MBTD1: variants seen among roughly 807,000 people sequenced by gnomAD.
The protein encoded by MBTD1 is MBT domain-containing protein 1.
In MBTD1, 24 loss-of-function variants were observed where a neutral mutation model predicts 87.8. The observed-to-expected ratio is 0.27, with a 90% CI of 0.20 to 0.38. The LOEUF (loss-of-function observed/expected upper bound fraction) is 0.38. Ranked by LOEUF, MBTD1 falls within the 10% of genes least tolerant of loss-of-function variation. The pLI, the probability that MBTD1 is intolerant of heterozygous loss-of-function variation, is 1.00. For synonymous variants in MBTD1, 237 were observed against 248.6 expected, an observed-to-expected ratio of 0.95 and a Z score of 0.44; for missense variants, 436 against 760.2, an observed-to-expected ratio of 0.57 and a Z score of 5.02.
At chr17:51,237,650 A>C (rs2053927141) in intron 2 of MBTD1, among the ~76,000 whole-genome samples, 1 of 152,232 alleles carries the variant, frequency 6.6e-6, no homozygotes, top group East Asian at 1.9e-4. Context: ...AGAATGACTA[A>C]AATTTATAAA....
chr17:51,195,106 A>G, intron 13 of MBTD1, 108 bp downstream of exon 13: 5 of 913,780 alleles, frequency 5.5e-6, no homozygotes, highest in Non-Finnish European at 8.3e-6. Flanking sequence ...ATCCACACAC[A>G]TTATATACGT....
intron 5 of MBTD1, among the ~76,000 whole-genome samples, 189 bp downstream of exon 5, chr17:51,218,741 T>A (rs375683131): frequency 6.6e-6 from 1 of 152,140 alleles, no homozygotes; most frequent in Non-Finnish European, 1.5e-5. Flanking sequence ...CTTGAACTTA[T>A]GCATGCAACT....
rs755188182 is a variant in MBTD1, at chr17:51,246,024, T to C, written c.-49+13119A>G. Among the ~76,000 whole-genome samples the C allele has an allele frequency of 3.3e-5, 5 of 152,234 alleles. No individual in the cohort carries two copies. In the South Asian group the frequency reaches 6.2e-4, roughly 19 times the overall value. Reference sequence around the variant, plus strand: ...CTTTGTGTCTTTTGGGAATGTTTTATATAGCCTGCTTCACATAGGTTTTTA... The same window carrying C: ...CTTTGTGTCTTTTGGGAATGTTTTACATAGCCTGCTTCACATAGGTTTTTA... On this transcript the variant is annotated intron_variant, in intron 2 of 16. Transcript: ENST00000586178.
chr17:51,183,746 A>C (rs1375566030), intron 16 of MBTD1: 1 of 152,218 alleles, frequency 6.6e-6, no homozygotes, highest in Non-Finnish European at 1.5e-5. Context: ...GTTATCCTTC[A>C]AATCTAGCCA....
intron 3 of MBTD1, among the ~76,000 whole-genome samples, chr17:51,224,005 AT>A (rs1259998187): frequency 1.8e-4 from 27 of 152,362 alleles, no homozygotes; most frequent in African/African-American, 6.0e-4. Context: ...CAAGTTCATT[AT>A]CATTTTCAAG....
rs2050210676 is a variant in MBTD1, at chr17:51,179,492, A to ATATATATATATATT, written c.*1083_*1084insAATATATATATATA. ...TACAATTAAAGACAATTTTATATAT[A>ATATATATATATATT]TATATATATATATATATATATATAT... On this transcript the variant is annotated 3_prime_UTR_variant, in exon 17 of 17. Transcript: ENST00000586178. The ATATATATATATATT allele has an allele frequency of 1.2e-3, 38 of 30,964 alleles. No homozygotes were observed. The highest frequency in any genetic ancestry group is 0.012 in the Middle Eastern group (1 of 86). 1.9% of individuals were successfully genotyped at this position (30,964 alleles called of 1,614,324 possible).
At chr17:51,210,005 A>G (rs117155991) in intron 6 of MBTD1, among the ~76,000 whole-genome samples, 172 of 151,998 alleles carry the variant, frequency 1.1e-3, no homozygotes, top group Non-Finnish European at 2.2e-3. Context: ...CATAAAGTCC[A>G]CTCACCTTTT....
At position 51,201,518 on chromosome 17, in the gene MBTD1, T is replaced by C. The variant is rs540601591; in HGVS notation, c.1224+74A>G. Reference sequence around the variant, plus strand: ...ACATTTTATGTCAAAACGAATATGCTTGGGGACTCCTTCTATTAGCTTATA... The same window carrying C: ...ACATTTTATGTCAAAACGAATATGCCTGGGGACTCCTTCTATTAGCTTATA... On this transcript the variant is annotated intron_variant, in intron 12 of 16. Coordinates refer to ENST00000586178, the MANE Select transcript of MBTD1 (RefSeq NM_017643.3). The C allele has an allele frequency of 2.8e-4, 244 of 863,980 alleles. 3 individuals carry two copies. Among genetic ancestry groups the C allele is most frequent in the Middle Eastern group, 5.1e-4 (2 of 3,922 alleles). 53.5% of individuals were successfully genotyped at this position (863,980 alleles called of 1,614,324 possible).
intron 2 of MBTD1, among the ~76,000 whole-genome samples, chr17:51,236,537 G>A (rs113041600): frequency 6.0e-4 from 91 of 152,260 alleles, no homozygotes; most frequent in African/African-American, 2.0e-3. Context: ...GAGCTGCTGC[G>A]TCTGGCCTAT....
intron 2 of MBTD1, among the ~76,000 whole-genome samples, chr17:51,234,596 A>C (rs557358355): frequency 1.3e-5 from 2 of 152,180 alleles, no homozygotes; most frequent in Non-Finnish European, 2.9e-5. Context: ...TACTGAAAAA[A>C]CTAAATTTGT....
Position 51,182,794 on chromosome 17 carries a change from G to GA in MBTD1, c.1769-2101dup, listed in dbSNP as rs533693402. The stretch of plus-strand genomic sequence containing the variant: ...GTAAATTGGAAACTGCTCATACAGA[G>GA]AAAAAAATCAACTGATGAGAATGAG... On this transcript the variant is annotated intron_variant, in intron 16 of 16. Transcript: ENST00000586178. Among the ~76,000 whole-genome samples, 23 of 152,282 alleles carry GA rather than the reference G, an allele frequency of 1.5e-4. 2 individuals carry two copies. The highest frequency in any genetic ancestry group is 5.1e-4 in the African/African-American group (21 of 41,562).
chr17:51,239,227 A>G (rs1050021337), intron 2 of MBTD1, among the ~76,000 whole-genome samples: 2 of 152,212 alleles, frequency 1.3e-5, no homozygotes, highest in Non-Finnish European at 2.9e-5. Context: ...ATAGACAGTA[A>G]AAGAGCAAAT....
At position 51,259,937 on chromosome 17, in the gene MBTD1, C is replaced by T; in HGVS notation, c.-215G>A. 3.3e-6 allele frequency: 4 copies of T among 1,203,626 alleles called. No individual in the cohort carries two copies. The highest frequency in any genetic ancestry group is 4.2e-5 in the South Asian group (1 of 23,860). The allele number at this position is 1,203,626 out of a possible 1,614,324, so 74.6% of individuals were successfully genotyped here. A position where few individuals can be genotyped will look rare whatever the true frequency, so the allele number is the denominator to read the frequency against. ...CGGGCTGGGGGCAGGTGCCTCTCCC[C>T]GGGACTGCGGCGACTACAGGGGGCC... On this transcript the variant is annotated 5_prime_UTR_variant, in exon 1 of 17. Transcript: ENST00000586178.
intron 2 of MBTD1, among the ~76,000 whole-genome samples, chr17:51,255,755 A>G (rs1486458476): frequency 1.3e-5 from 2 of 151,710 alleles, no homozygotes; most frequent in African/African-American, 4.8e-5. Context: ...GTGCCACCAC[A>G]CCTAATTTTT....
At chr17:51,194,081 A>G (rs1369547988) in intron 13 of MBTD1, among the ~76,000 whole-genome samples, 1 of 152,238 alleles carries the variant, frequency 6.6e-6, no homozygotes, top group African/African-American at 2.4e-5. Flanking sequence ...CCTAGGCTTT[A>G]GAAGAGTCTA....
At chr17:51,206,536 A>G (rs904886311) in intron 7 of MBTD1, among the ~76,000 whole-genome samples, 1 of 152,138 alleles carries the variant, frequency 6.6e-6, no homozygotes, top group Non-Finnish European at 1.5e-5. Context: ...TTACATTTTT[A>G]ATGGTTGAAA....
chr17:51,197,858 C>G (rs2145151698), intron 12 of MBTD1, among the ~76,000 whole-genome samples: 1 of 152,272 alleles, frequency 6.6e-6, no homozygotes, highest in Non-Finnish European at 1.5e-5. Context: ...ACCTTCTGGT[C>G]TACCAATCAA....
chr17:51,238,290 T>C (rs1473028264), intron 2 of MBTD1, among the ~76,000 whole-genome samples: 3 of 152,340 alleles, frequency 2.0e-5, no homozygotes, highest in South Asian at 2.1e-4. Context: ...AGTCTAATGG[T>C]AGAAAATGTA....
Position 51,259,949 on chromosome 17 carries a change from G to T in MBTD1, c.-227C>A. The stretch of plus-strand genomic sequence containing the variant: ...AGGTGCCTCTCCCCGGGACTGCGGC[G>T]ACTACAGGGGGCCCCCGGCTGGGCC... On this transcript the variant is annotated 5_prime_UTR_variant, in exon 1 of 17. Coordinates refer to ENST00000586178, the MANE Select transcript of MBTD1 (RefSeq NM_017643.3). The T allele has an allele frequency of 1.7e-6, 2 of 1,150,564 alleles. No individual in the cohort carries two copies. Among genetic ancestry groups the T allele is most frequent in the South Asian group, 8.8e-5 (2 of 22,852 alleles). The allele number at this position is 1,150,564 out of a possible 1,614,324, so 71.3% of individuals were successfully genotyped here.
Sources: allele counts gnomAD v4.1 joint callset (sites outside exome capture counted in the v4.1 genomes callset), GRCh38; gene constraint gnomAD v4.1.1; transcripts MANE v1.5; gene names NCBI Gene and HGNC (gene_info 2026-07-23, HGNC 2026-07-21).